Variants in ROBO2 observed in about 807,000 individuals in gnomAD.
The protein encoded by ROBO2 is roundabout homolog 2.
Under a neutral mutation model 160.8 loss-of-function variants are expected in ROBO2, and 53 were observed. The ratio of observed to expected loss-of-function variants is 0.33; its 90% confidence interval spans 0.26 to 0.41. The LOEUF (loss-of-function observed/expected upper bound fraction) is 0.41, where lower values mean the gene tolerates loss of function less well. Ranked by LOEUF, ROBO2 falls within the 10% of genes least tolerant of loss-of-function variation. ROBO2 has a pLI of 1.00. For synonymous variants in ROBO2, 664 were observed against 611.7 expected (o/e 1.09, Z -1.26); for missense variants, 1,577 against 1,722.4 (o/e 0.92, Z 1.49).
chr3:76,106,301 G>A (rs1320922289), intron 2 of ROBO2, among the ~76,000 whole-genome samples: 2 of 152,006 alleles, frequency 1.3e-5, no homozygotes, highest in African/African-American at 4.8e-5. Context: ...AAACACAAAA[G>A]CAAAATAATC....
intron 2 of ROBO2, among the ~76,000 whole-genome samples, chr3:76,381,510 C>T (rs1029128909): frequency 6.6e-6 from 1 of 151,838 alleles, no homozygotes; most frequent in Non-Finnish European, 1.5e-5. Context: ...CCACCGCGCC[C>T]GGCTTATTTT....
intron 2 of ROBO2, among the ~76,000 whole-genome samples, chr3:77,127,471 A>G (rs915399212): frequency 6.6e-6 from 1 of 152,158 alleles, no homozygotes. Flanking sequence ...TTCACCATGA[A>G]TTCTAAAATT....
chr3:77,203,367 A>G (rs1054625708), intron 2 of ROBO2, among the ~76,000 whole-genome samples: 2 of 152,166 alleles, frequency 1.3e-5, no homozygotes, highest in African/African-American at 4.8e-5. Flanking sequence ...GTTACGGCAT[A>G]TTGAGAATTT....
intron 2 of ROBO2, among the ~76,000 whole-genome samples, chr3:76,194,938 G>A (rs1009372576): frequency 6.6e-6 from 1 of 152,052 alleles, no homozygotes; most frequent in African/African-American, 2.4e-5. Context: ...TTTTTTAAAG[G>A]TTGACTTTTG....
chr3:77,600,355 A>C (rs993230736), intron 19 of ROBO2, among the ~76,000 whole-genome samples: 1 of 152,242 alleles, frequency 6.6e-6, no homozygotes, highest in African/African-American at 2.4e-5. Context: ...ATGCAGCCTA[A>C]AAATCAATAC....
At chr3:76,646,276 G>A (rs2090966281) in intron 2 of ROBO2, among the ~76,000 whole-genome samples, 1 of 152,172 alleles carries the variant, frequency 6.6e-6, no homozygotes, top group Non-Finnish European at 1.5e-5. Context: ...GTCTGTGGAA[G>A]AGTGACGGGA....
At chr3:76,119,916 CCCTT>C (rs551169822) in intron 2 of ROBO2, among the ~76,000 whole-genome samples, 15,841 of 87,738 alleles carry the variant, frequency 0.18, 1,580 homozygotes, top group Non-Finnish European at 0.22. Context: ...TTCCCTCCCT[CCCTT>C]CCTTCCTTCC....
At chr3:77,485,843 C>G (rs962341712) in intron 4 of ROBO2, among the ~76,000 whole-genome samples, 2 of 152,102 alleles carry the variant, frequency 1.3e-5, no homozygotes, top group African/African-American at 4.8e-5. Flanking sequence ...CCTAGGTAAA[C>G]TTGTGCCATG....
At chr3:77,031,987 T>C (rs2063354156) in intron 2 of ROBO2, among the ~76,000 whole-genome samples, 2 of 152,168 alleles carry the variant, frequency 1.3e-5, no homozygotes, top group Admixed American at 1.3e-4. Context: ...CTTCTCACTG[T>C]GTCTTCACAT....
intron 2 of ROBO2, among the ~76,000 whole-genome samples, chr3:77,391,305 C>T (rs1285320150): frequency 2.0e-5 from 3 of 151,880 alleles, no homozygotes; most frequent in Admixed American, 6.6e-5. Context: ...AAACAAAAAG[C>T]TTTTTTAAGA....
At chr3:77,543,773 T>C (rs547245454) in intron 6 of ROBO2, among the ~76,000 whole-genome samples, 23 of 152,240 alleles carry the variant, frequency 1.5e-4, no homozygotes, top group African/African-American at 5.3e-4. Flanking sequence ...AAGGACTGTA[T>C]AGAGTATCCA....
intron 5 of ROBO2, among the ~76,000 whole-genome samples, chr3:77,506,331 T>A (rs969143051): frequency 1.3e-5 from 2 of 152,210 alleles, no homozygotes; most frequent in African/African-American, 4.8e-5. Context: ...TGTGCACACT[T>A]GGAACAACTT....
chr3:76,974,794 C>T (rs996571482), intron 2 of ROBO2, among the ~76,000 whole-genome samples: 2 of 152,066 alleles, frequency 1.3e-5, no homozygotes, highest in Admixed American at 6.6e-5. Flanking sequence ...CTGTTGGTAG[C>T]CCTTAGAGGG....
chr3:77,508,938 G>T (rs1352210427), intron 5 of ROBO2, among the ~76,000 whole-genome samples: 1 of 152,036 alleles, frequency 6.6e-6, no homozygotes, highest in African/African-American at 2.4e-5. Flanking sequence ...ACTCTCATAA[G>T]TTTGTAGTTG....
chr3:77,180,823 G>C (rs1579710019), intron 2 of ROBO2, among the ~76,000 whole-genome samples: 1 of 151,884 alleles, frequency 6.6e-6, no homozygotes, highest in East Asian at 1.9e-4. Context: ...TTAATGTATA[G>C]TTTTATATGT....
intron 2 of ROBO2, among the ~76,000 whole-genome samples, chr3:76,800,569 A>C (rs2064121803): frequency 6.6e-6 from 1 of 152,360 alleles, no homozygotes; most frequent in African/African-American, 2.4e-5. Context: ...AAGGATCTGA[A>C]TAGACAGTTC....
rs1041358771 is a variant in ROBO2 at position 76,925,142 on chromosome 3, C to A, written c.110-172872C>A. Among the ~76,000 whole-genome samples, 3 of 141,396 alleles carry A rather than the reference C, an allele frequency of 2.1e-5. No individual in the cohort carries two copies. The South Asian group carries it at 6.9e-4, about 33-fold the overall frequency. The allele number at this position is 141,396 out of a possible 152,430, so 92.8% of individuals were successfully genotyped here. A position where few individuals can be genotyped will look rare whatever the true frequency, so the allele number is the denominator to read the frequency against. On this transcript the variant is annotated intron_variant, in intron 2 of 26. Transcript: ENST00000487694. ...AGGAGAATGGCGTGAACCCGGGAGG[C>A]GGAGCTTGCAGTGAGCCGAGATCCC... is the stretch of plus-strand genomic sequence containing the variant.
At chr3:76,672,994 C>T (rs1346884882) in intron 2 of ROBO2, among the ~76,000 whole-genome samples, 4 of 152,040 alleles carry the variant, frequency 2.6e-5, no homozygotes, top group Admixed American at 1.3e-4. Context: ...CTTTTTACTA[C>T]ACAAGTGTCT....
chr3:77,102,565 T>C (rs1331246260), intron 2 of ROBO2, among the ~76,000 whole-genome samples: 2 of 151,834 alleles, frequency 1.3e-5, no homozygotes, highest in Non-Finnish European at 2.9e-5. Context: ...AAATATGGAA[T>C]TTTTTTTACT....
Sources: allele counts gnomAD v4.1 joint callset (sites outside exome capture counted in the v4.1 genomes callset), GRCh38; gene constraint gnomAD v4.1.1; transcripts MANE v1.5; gene names NCBI Gene and HGNC (gene_info 2026-07-23, HGNC 2026-07-21).